Variants in NAALADL2 observed in about 807,000 individuals in gnomAD.
NAALADL2 encodes the protein inactive N-acetylated-alpha-linked acidic dipeptidase-like protein 2.
NAALADL2 carries 76 observed loss-of-function variants against 87.2 expected under a neutral mutation model. That is an observed-to-expected ratio of 0.87 (90% CI 0.72 to 1.05). The LOEUF is 1.05. NAALADL2 is among the 50% of genes least tolerant of loss of function. NAALADL2 has a pLI of 0.00. For missense variants in NAALADL2, 1,089 were observed against 945.8 expected, an observed-to-expected ratio of 1.15 and a Z score of -1.99; for synonymous variants, 354 against 331.0, an observed-to-expected ratio of 1.07 and a Z score of -0.75.
intron 9 of NAALADL2, among the ~76,000 whole-genome samples, chr3:175,560,048 C>G (rs1182886539): frequency 6.6e-6 from 1 of 152,172 alleles, no homozygotes; most frequent in Non-Finnish European, 1.5e-5. Flanking sequence ...TAGAATTCAG[C>G]AGTAAAGCCA....
intron 13 of NAALADL2, chr3:175,776,130 T>C (rs1394102252): frequency 6.6e-6 from 1 of 152,182 alleles, no homozygotes; most frequent in Non-Finnish European, 1.5e-5. Flanking sequence ...TTTCTACACA[T>C]TATCAATCGT....
intron 13 of NAALADL2, among the ~76,000 whole-genome samples, chr3:175,790,325 C>T (rs1292871825): frequency 2.0e-5 from 3 of 152,042 alleles, no homozygotes; most frequent in Non-Finnish European, 4.4e-5. Context: ...ACCACCAGTT[C>T]ATGAGAGTTG....
intron 2 of NAALADL2, among the ~76,000 whole-genome samples, chr3:175,149,730 G>T (rs1731269562): frequency 6.6e-6 from 1 of 152,118 alleles, no homozygotes; most frequent in East Asian, 1.9e-4. Context: ...ATGTCTATCA[G>T]TAGCACCAAA....
intron 1 of NAALADL2, among the ~76,000 whole-genome samples, chr3:175,006,150 GAA>G (rs1238747712): frequency 6.6e-6 from 1 of 152,076 alleles, no homozygotes; most frequent in African/African-American, 2.4e-5. Context: ...TTGAGACCTT[GAA>G]GCTCTTAAAG....
intron 1 of NAALADL2, among the ~76,000 whole-genome samples, chr3:174,891,275 CA>C (rs1730840189): frequency 6.6e-6 from 1 of 152,020 alleles, no homozygotes; most frequent in Non-Finnish European, 1.5e-5. Flanking sequence ...CTCCACCAAT[CA>C]TCATCCCTTA....
intron 2 of NAALADL2, among the ~76,000 whole-genome samples, chr3:174,694,570 G>A (rs923590609): frequency 1.3e-5 from 2 of 151,968 alleles, no homozygotes; most frequent in African/African-American, 4.8e-5. Context: ...CATTGTTATT[G>A]ATACAAATGA....
chr3:175,614,142 T>TTGAA (rs1725028568), intron 10 of NAALADL2, among the ~76,000 whole-genome samples: 1 of 152,122 alleles, frequency 6.6e-6, no homozygotes, highest in Non-Finnish European at 1.5e-5. Flanking sequence ...AACCTCCACC[T>TTGAA]CCGGGGTTCA....
intron 7 of NAALADL2, among the ~76,000 whole-genome samples, chr3:175,463,779 A>G (rs1186273877): frequency 1.3e-5 from 2 of 151,416 alleles, no homozygotes; most frequent in Admixed American, 1.3e-4. Context: ...AACAGAGTTT[A>G]GATTTGGTAA....
At chr3:174,809,586 G>T (rs1221810277) in intron 3 of NAALADL2, among the ~76,000 whole-genome samples, 1 of 151,770 alleles carries the variant, frequency 6.6e-6, no homozygotes, top group Non-Finnish European at 1.5e-5. Flanking sequence ...TTTTTTCATG[G>T]CATCATATTT....
At chr3:175,730,078 G>T (rs1743469601) in intron 11 of NAALADL2, among the ~76,000 whole-genome samples, 1 of 151,918 alleles carries the variant, frequency 6.6e-6, no homozygotes, top group South Asian at 2.1e-4. Flanking sequence ...TATTATTTTA[G>T]TGAACCTATA....
At chr3:174,565,903 T>G (rs1282846907) in intron 2 of NAALADL2, among the ~76,000 whole-genome samples, 2 of 152,070 alleles carry the variant, frequency 1.3e-5, no homozygotes, top group Admixed American at 6.6e-5. Flanking sequence ...TCCTTTTGTA[T>G]AGCTGAAGAA....
At chr3:174,791,130 ACTTATGTAGT>A (rs1403179221) in intron 3 of NAALADL2, among the ~76,000 whole-genome samples, 1 of 152,138 alleles carries the variant, frequency 6.6e-6, no homozygotes, top group African/African-American at 2.4e-5. Flanking sequence ...CCTAATGTAG[ACTTATGTAGT>A]ATTTTGAATT....
At chr3:174,537,138 T>A (rs769401156) in intron 1 of NAALADL2, among the ~76,000 whole-genome samples, 5 of 152,310 alleles carry the variant, frequency 3.3e-5, no homozygotes, top group Non-Finnish European at 5.9e-5. Flanking sequence ...AGACTTACAC[T>A]GAGCCATATG....
At chr3:174,511,582 G>GT (rs1456969113) in intron 1 of NAALADL2, among the ~76,000 whole-genome samples, 2 of 150,912 alleles carry the variant, frequency 1.3e-5, no homozygotes, top group East Asian at 1.9e-4. Flanking sequence ...ATGGTAAATA[G>GT]TTTTTTTTAA....
chr3:175,570,677 G>A (rs529942693), intron 9 of NAALADL2, among the ~76,000 whole-genome samples: 241 of 152,086 alleles, frequency 1.6e-3, no homozygotes, highest in African/African-American at 5.5e-3. Context: ...TCAGGAGATC[G>A]AGACCATCCT....
intron 4 of NAALADL2, among the ~76,000 whole-genome samples, chr3:175,297,194 T>C (rs1479945291): frequency 2.0e-5 from 3 of 152,188 alleles, no homozygotes; most frequent in Admixed American, 2.0e-4. Context: ...TATCTGGCCC[T>C]TGAAAGAAAA....
At chr3:175,352,359 T>C (rs1248322915) in intron 5 of NAALADL2, among the ~76,000 whole-genome samples, 2 of 151,892 alleles carry the variant, frequency 1.3e-5, no homozygotes, top group African/African-American at 2.4e-5. Context: ...AAAAATGGAG[T>C]TGGACTCTTT....
chr3:174,743,024 A>T (rs1733905441), intron 3 of NAALADL2, among the ~76,000 whole-genome samples: 1 of 151,700 alleles, frequency 6.6e-6, no homozygotes, highest in Non-Finnish European at 1.5e-5. Flanking sequence ...TATATAATTC[A>T]CTTTTATTTG....
chr3:175,016,653 A>G (rs1019546672), intron 1 of NAALADL2, among the ~76,000 whole-genome samples: 63 of 151,938 alleles, frequency 4.1e-4, no homozygotes, highest in African/African-American at 1.5e-3. Context: ...AGTATTATTA[A>G]GCCATGCATT....
Sources: gnomAD v4.1 joint callset for allele counts (sites outside exome capture counted in the v4.1 genomes callset) on GRCh38, gnomAD v4.1.1 for gene constraint, MANE v1.5 for transcripts, NCBI Gene and HGNC (gene_info 2026-07-23, HGNC 2026-07-21) for gene names.